GALNTL6: variants seen among roughly 807,000 people sequenced by gnomAD.
The protein encoded by GALNTL6 is polypeptide N-acetylgalactosaminyltransferase like 6.
In GALNTL6, 46 loss-of-function variants were observed where a neutral mutation model predicts 73.7. The ratio of observed to expected loss-of-function variants is 0.62; its 90% CI spans 0.49 to 0.80. The LOEUF is 0.80. Ranked by LOEUF, GALNTL6 falls within the 30% of genes least tolerant of loss-of-function variation. The pLI, the probability that GALNTL6 is intolerant of heterozygous loss-of-function variation, is 0.00. For synonymous variants in GALNTL6, 259 were observed against 263.7 expected (o/e 0.98, Z 0.17); for missense variants, 604 against 755.0 (o/e 0.80, Z 2.34).
intron 3 of GALNTL6, among the ~76,000 whole-genome samples, chr4:172,308,509 A>G (rs937496229): frequency 1.3e-5 from 2 of 152,068 alleles, no homozygotes; most frequent in Non-Finnish European, 2.9e-5. Context: ...TGTCCCTTCT[A>G]TGCCAATTTT....
chr4:172,317,645 A>G (rs1740609014), intron 4 of GALNTL6, among the ~76,000 whole-genome samples: 5 of 152,136 alleles, frequency 3.3e-5, no homozygotes, highest in Admixed American at 2.0e-4. Flanking sequence ...AATAGTTTTT[A>G]TTTTATTTTT....
intron 5 of GALNTL6, among the ~76,000 whole-genome samples, chr4:172,402,997 A>T (rs532228741): frequency 6.6e-6 from 1 of 152,182 alleles, no homozygotes; most frequent in East Asian, 1.9e-4. Context: ...TAATTCTCTA[A>T]AGATCTTGAT....
intron 5 of GALNTL6, among the ~76,000 whole-genome samples, chr4:172,367,572 T>TA (rs921028698): frequency 3.2e-4 from 49 of 152,066 alleles, no homozygotes; most frequent in African/African-American, 1.1e-3. Flanking sequence ...TTAAACCATG[T>TA]AAAAAAAAGT....
At chr4:172,592,654 ATCTG>A (rs201455102) in intron 5 of GALNTL6, among the ~76,000 whole-genome samples, 5,624 of 136,680 alleles carry the variant, frequency 0.041, 191 homozygotes, top group African/African-American at 0.095. Context: ...TCAAATCTAT[ATCTG>A]TCTGTCTGTC....
chr4:172,971,900 G>T (rs1054540251), intron 10 of GALNTL6, among the ~76,000 whole-genome samples: 6 of 152,092 alleles, frequency 3.9e-5, no homozygotes, highest in Admixed American at 2.0e-4. Flanking sequence ...AAAAGATTCA[G>T]ATTGACTAAA....
intron 5 of GALNTL6, among the ~76,000 whole-genome samples, chr4:172,665,746 T>C (rs1387984749): frequency 2.0e-5 from 3 of 152,226 alleles, no homozygotes; most frequent in Non-Finnish European, 4.4e-5. Context: ...CTCAACTATT[T>C]ATTATATTAA....
At chr4:172,524,572 G>A (rs1734890534) in intron 5 of GALNTL6, among the ~76,000 whole-genome samples, 2 of 152,088 alleles carry the variant, frequency 1.3e-5, no homozygotes, top group African/African-American at 4.8e-5. Flanking sequence ...TGAATATCCC[G>A]GTTCGTGAAC....
chr4:172,967,888 T>C (rs1750404553), intron 10 of GALNTL6, among the ~76,000 whole-genome samples: 1 of 152,160 alleles, frequency 6.6e-6, no homozygotes, highest in African/African-American at 2.4e-5. Flanking sequence ...TAGTTTTGTT[T>C]TGAATTTCAA....
At chr4:172,827,573 C>G (rs1742334577) in intron 7 of GALNTL6, among the ~76,000 whole-genome samples, 1 of 152,190 alleles carries the variant, frequency 6.6e-6, no homozygotes, top group Non-Finnish European at 1.5e-5. Flanking sequence ...CCACCACAAT[C>G]CATTAGAACT....
intron 4 of GALNTL6, among the ~76,000 whole-genome samples, chr4:172,346,893 G>A (rs1741759596): frequency 1.3e-5 from 2 of 151,728 alleles, no homozygotes; most frequent in Admixed American, 6.6e-5. Context: ...GATTGGTCTT[G>A]CATTCTTTTT....
chr4:172,306,010 G>C (rs1410305187), intron 3 of GALNTL6, among the ~76,000 whole-genome samples: 1 of 152,094 alleles, frequency 6.6e-6, no homozygotes, highest in Non-Finnish European at 1.5e-5. Context: ...TAAAGGCTCA[G>C]CACTAAAAAT....
chr4:172,050,820 G>T (rs978115584), intron 2 of GALNTL6, among the ~76,000 whole-genome samples: 1 of 152,094 alleles, frequency 6.6e-6, no homozygotes, highest in South Asian at 2.1e-4. Flanking sequence ...GCCAAGAGGG[G>T]TCCCTGCTCC....
chr4:171,852,865 G>C (rs1735558175), intron 2 of GALNTL6, among the ~76,000 whole-genome samples: 1 of 152,000 alleles, frequency 6.6e-6, no homozygotes, highest in Non-Finnish European at 1.5e-5. Context: ...TTTTGTTTTT[G>C]AGATGGAGTC....
At chr4:172,579,679 G>C (rs1737097013) in intron 5 of GALNTL6, among the ~76,000 whole-genome samples, 4 of 152,246 alleles carry the variant, frequency 2.6e-5, no homozygotes, top group Admixed American at 1.3e-4. Flanking sequence ...GTCCTAGAAA[G>C]GCCAGAAGCA....
intron 2 of GALNTL6, among the ~76,000 whole-genome samples, chr4:171,945,835 C>A (rs984795581): frequency 6.6e-6 from 1 of 152,054 alleles, no homozygotes; most frequent in Non-Finnish European, 1.5e-5. Context: ...AGACATTATT[C>A]TGTTTTGGGA....
At chr4:172,059,070 G>T (rs1731114670) in intron 2 of GALNTL6, among the ~76,000 whole-genome samples, 1 of 152,174 alleles carries the variant, frequency 6.6e-6, no homozygotes, top group South Asian at 2.1e-4. Flanking sequence ...TTGAAAAGAA[G>T]TGTGTCTATC....
intron 4 of GALNTL6, among the ~76,000 whole-genome samples, chr4:172,319,815 A>G (rs1357444491): frequency 6.6e-6 from 1 of 152,198 alleles, no homozygotes; most frequent in Non-Finnish European, 1.5e-5. Context: ...CTTTAAAAAT[A>G]TCTAAGTCTC....
chr4:172,792,321 A>G (rs1192780242), intron 5 of GALNTL6, among the ~76,000 whole-genome samples: 2 of 104,448 alleles, frequency 1.9e-5, no homozygotes, highest in Non-Finnish European at 3.9e-5. Flanking sequence ...ACACACATAT[A>G]TATGCATATA....
chr4:171,968,480 C>T (rs332977), intron 2 of GALNTL6, among the ~76,000 whole-genome samples: 149,216 of 152,290 alleles, frequency 0.98, 73,182 homozygotes, highest in Middle Eastern at 1. Flanking sequence ...GTCCTTTCTT[C>T]CTCTTCCTGT....
Sources: gnomAD v4.1 joint callset for allele counts (sites outside exome capture counted in the v4.1 genomes callset) on GRCh38, gnomAD v4.1.1 for gene constraint, MANE v1.5 for transcripts, NCBI Gene and HGNC (gene_info 2026-07-23, HGNC 2026-07-21) for gene names.